The following SLC30A7 variants were observed in gnomAD, a reference collection of about 807,000 sequenced individuals.
SLC30A7 encodes zinc transporter 7.
In SLC30A7, 35 loss-of-function variants were observed where a neutral mutation model predicts 46.0. That is an observed-to-expected ratio of 0.76 (90% CI 0.58 to 1.01). The LOEUF is 1.01. Among genes scored for constraint, SLC30A7 ranks in the 50% least tolerant of loss-of-function variants. SLC30A7 has a pLI of 0.00. For missense variants in SLC30A7, 464 were observed against 451.1 expected, an observed-to-expected ratio of 1.03 and a Z score of -0.26; for synonymous variants, 147 against 157.8, an observed-to-expected ratio of 0.93 and a Z score of 0.51.
intron 10 of SLC30A7, among the ~76,000 whole-genome samples, chr1:100,970,315 C>T (rs1656085873): frequency 6.6e-6 from 1 of 151,982 alleles, no homozygotes; most frequent in Non-Finnish European, 1.5e-5. Context: ...ACTGAGAAGA[C>T]CAATATCTAA....
chr1:100,896,922 C>A (rs1416362082), intron 2 of SLC30A7, among the ~76,000 whole-genome samples: 8 of 152,110 alleles, frequency 5.3e-5, no homozygotes, highest in Non-Finnish European at 1.2e-4. Context: ...GACTGACAAG[C>A]CCCTCCTTAT....
In SLC30A7 at chr1:100,896,592, T is replaced by TC; in HGVS notation, c.106dup (p.Arg36ProfsTer40). On this transcript the variant is annotated frameshift_variant, in exon 2 of 11. Coordinates refer to ENST00000357650, the MANE Select transcript of SLC30A7 (RefSeq NM_133496.5). LOFTEE classifies it high-confidence loss of function. The stretch of plus-strand genomic sequence containing the variant: ...CAGGTCTATACTGTCCGACAAGACT[T>TC]CCCGGAACCTGTTTTTCTTCCTGTG... The TC allele has an allele frequency of 6.2e-7, 1 of 1,614,172 alleles. No homozygotes were observed. The highest frequency in any genetic ancestry group is 8.5e-7 in the Non-Finnish European group (1 of 1,180,018).
chr1:100,903,287 G>A (rs569356190), intron 2 of SLC30A7, among the ~76,000 whole-genome samples: 9 of 151,978 alleles, frequency 5.9e-5, no homozygotes, highest in South Asian at 2.1e-4. Context: ...TTGGGGGATC[G>A]AAAACAAAAT....
At chr1:100,988,887 AAAAAG>A in the SLC30A7 span, among the ~76,000 whole-genome samples, 6 of 151,926 alleles carry the variant, frequency 3.9e-5, no homozygotes, top group African/African-American at 1.4e-4. Context: ...ATAATAAAGA[AAAAAG>A]AGATGTTTCA....
downstream of SLC30A7, among the ~76,000 whole-genome samples, chr1:100,983,375 C>CAA (rs779529890): frequency 9.1e-3 from 691 of 76,262 alleles, 5 homozygotes; most frequent in African/African-American, 0.019. Context: ...TACTTTGAGG[C>CAA]AAAAAAAAAA....
chr1:100,967,803 T>G (rs890423860), intron 10 of SLC30A7, among the ~76,000 whole-genome samples: 1 of 152,182 alleles, frequency 6.6e-6, no homozygotes, highest in African/African-American at 2.4e-5. Context: ...ATGCAATGTG[T>G]GGTACTTGAT....
At chr1:100,905,054 T>A (rs1651560438) in intron 2 of SLC30A7, among the ~76,000 whole-genome samples, 1 of 152,156 alleles carries the variant, frequency 6.6e-6, no homozygotes, top group African/African-American at 2.4e-5. Flanking sequence ...AGTGGGTGCT[T>A]TAGTATGTAT....
At chr1:100,927,781 A>G (rs571535332) in intron 8 of SLC30A7, among the ~76,000 whole-genome samples, 21 of 152,088 alleles carry the variant, frequency 1.4e-4, no homozygotes, top group Non-Finnish European at 2.5e-4. Context: ...ATATAAAGGT[A>G]ATTGATGCAT....
At chr1:100,939,356 A>G (rs749137310) in intron 8 of SLC30A7, among the ~76,000 whole-genome samples, 9 of 151,934 alleles carry the variant, frequency 5.9e-5, no homozygotes, top group Non-Finnish European at 1.2e-4. Context: ...TGCAAAAATC[A>G]ATGTTCTTTA....
At chr1:100,990,542 T>C in the SLC30A7 span, 1 of 1,614,198 alleles carries the variant, frequency 6.2e-7, no homozygotes, top group Non-Finnish European at 8.5e-7. Context: ...AAGTCCACAG[T>C]GCACATTTGC....
chr1:100,942,555 G>A (rs547450774), intron 8 of SLC30A7, among the ~76,000 whole-genome samples: 47 of 152,218 alleles, frequency 3.1e-4, no homozygotes, highest in South Asian at 2.3e-3. Flanking sequence ...TGAAATAATC[G>A]AAAGAATCAG....
At chr1:100,953,938 T>G (rs1427069276) in intron 8 of SLC30A7, among the ~76,000 whole-genome samples, 1 of 152,242 alleles carries the variant, frequency 6.6e-6, no homozygotes, top group Non-Finnish European at 1.5e-5. Flanking sequence ...TAAGATACTT[T>G]GCTTTCTGTT....
At chr1:100,917,321 A>T (rs1394167039) in intron 6 of SLC30A7, among the ~76,000 whole-genome samples, 1 of 152,284 alleles carries the variant, frequency 6.6e-6, no homozygotes, top group East Asian at 1.9e-4. Context: ...TTTCTTTGTT[A>T]CATTATTGCA....
intron 8 of SLC30A7, among the ~76,000 whole-genome samples, chr1:100,923,790 G>A (rs1653110845): frequency 6.6e-6 from 1 of 152,156 alleles, no homozygotes; most frequent in Non-Finnish European, 1.5e-5. Context: ...ATATAAAAAG[G>A]AAAATAAAAG....
At chr1:100,967,684 T>C (rs1207151466) in intron 10 of SLC30A7, among the ~76,000 whole-genome samples, 1 of 152,166 alleles carries the variant, frequency 6.6e-6, no homozygotes, top group Non-Finnish European at 1.5e-5. Flanking sequence ...GTACAGCTTG[T>C]GAGAGCCTCC....
chr1:100,948,803 A>G (rs1054232554), intron 8 of SLC30A7, among the ~76,000 whole-genome samples: 1 of 152,116 alleles, frequency 6.6e-6, no homozygotes, highest in African/African-American at 2.4e-5. Flanking sequence ...TTAATCACTG[A>G]TACCCTTCTT....
intron 7 of SLC30A7, among the ~76,000 whole-genome samples, chr1:100,919,677 G>A (rs1308270984): frequency 6.6e-6 from 1 of 152,098 alleles, no homozygotes; most frequent in East Asian, 1.9e-4. Flanking sequence ...AAGGAAGTTA[G>A]ATTTGCCTTT....
At chr1:100,990,716 C>T in the SLC30A7 span, 1 of 1,281,112 alleles carries the variant, frequency 7.8e-7, no homozygotes, top group South Asian at 1.3e-5. Flanking sequence ...ACCACAAGTA[C>T]ATTTCAAGAA....
chr1:100,896,114 G>GTGTCTGTGTC lies in SLC30A7; in HGVS notation c.-137_-128dup, dbSNP rs1486915322. 1.3e-5 allele frequency: 9 copies of GTGTCTGTGTC among 681,334 alleles called. No individual in the cohort carries two copies. Among genetic ancestry groups the GTGTCTGTGTC allele is most frequent in the South Asian group, 8.4e-5 (5 of 59,246 alleles). 42.2% of individuals were successfully genotyped at this position (681,334 alleles called of 1,614,324 possible). On this transcript the variant is annotated 5_prime_UTR_variant, in exon 1 of 11. Coordinates refer to ENST00000357650, the MANE Select transcript of SLC30A7 (RefSeq NM_133496.5). ...CGGAAGTAAGCGAATTCCCGGGTGT[G>GTGTCTGTGTC]TGTCTGTGTCTGTCTGTGTCTCGCA...
Sources: allele counts gnomAD v4.1 joint callset (sites outside exome capture counted in the v4.1 genomes callset), GRCh38; gene constraint gnomAD v4.1.1; transcripts MANE v1.5; gene names NCBI Gene and HGNC (gene_info 2026-07-23, HGNC 2026-07-21).